The following CNTNAP5 variants were observed in gnomAD, a reference collection of about 807,000 sequenced individuals.
CNTNAP5 encodes contactin-associated protein-like 5.
In CNTNAP5, 72 loss-of-function variants were observed where a neutral mutation model predicts 150.2. The ratio of observed to expected loss-of-function variants is 0.48; its 90% CI spans 0.40 to 0.58. CNTNAP5 has a LOEUF of 0.58. Ranked by LOEUF, CNTNAP5 falls within the 20% of genes least tolerant of loss-of-function variation. The pLI is 0.00. For synonymous variants in CNTNAP5, 672 were observed against 619.8 expected (o/e 1.08, Z -1.25); for missense variants, 1,636 against 1,626.2 (o/e 1.01, Z -0.10).
chr2:124,211,779 C>A (rs1686019629), intron 1 of CNTNAP5, among the ~76,000 whole-genome samples: 1 of 152,144 alleles, frequency 6.6e-6, no homozygotes, highest in African/African-American at 2.4e-5. Flanking sequence ...TTCCAGTGAG[C>A]AGAATGAGAA....
At chr2:124,291,059 C>T (rs538333259) in intron 3 of CNTNAP5, among the ~76,000 whole-genome samples, 4 of 152,024 alleles carry the variant, frequency 2.6e-5, no homozygotes, top group South Asian at 4.2e-4. Flanking sequence ...GATATAAATG[C>T]CAATCATTTT....
intron 13 of CNTNAP5, among the ~76,000 whole-genome samples, chr2:124,677,071 C>T (rs1168457161): frequency 6.6e-6 from 1 of 152,052 alleles, no homozygotes; most frequent in Non-Finnish European, 1.5e-5. Context: ...AGCTGCAGAC[C>T]CTCGTGGTGA....
At chr2:124,674,509 C>CTGTT (rs1553430171) in intron 13 of CNTNAP5, among the ~76,000 whole-genome samples, 1 of 115,366 alleles carries the variant, frequency 8.7e-6, no homozygotes, top group Admixed American at 9.9e-5. Flanking sequence ...TTCTTTCTTT[C>CTGTT]TCTTTCTTTC....
chr2:124,460,349 G>A (rs921424900), intron 6 of CNTNAP5, among the ~76,000 whole-genome samples: 10 of 152,042 alleles, frequency 6.6e-5, no homozygotes, highest in African/African-American at 2.2e-4. Context: ...AGAAACTGAG[G>A]CAGTAGAAAG....
chr2:124,258,557 C>T (rs1162194184), intron 3 of CNTNAP5, among the ~76,000 whole-genome samples: 1 of 152,114 alleles, frequency 6.6e-6, no homozygotes, highest in African/African-American at 2.4e-5. Flanking sequence ...GACTGGGGAA[C>T]AATACTGCAT....
chr2:124,399,074 CTCTT>C (rs1281391282), intron 3 of CNTNAP5, among the ~76,000 whole-genome samples: 6 of 152,150 alleles, frequency 3.9e-5, no homozygotes, highest in African/African-American at 1.4e-4. Flanking sequence ...CCTCCTTTCT[CTCTT>C]TCTTCTTTAT....
intron 10 of CNTNAP5, among the ~76,000 whole-genome samples, chr2:124,560,021 A>C (rs1695851956): frequency 6.6e-6 from 1 of 152,104 alleles, no homozygotes; most frequent in Non-Finnish European, 1.5e-5. Context: ...CCATAGACAA[A>C]TGAGTTTCTA....
chr2:124,302,582 A>T (rs1388412798), intron 3 of CNTNAP5, among the ~76,000 whole-genome samples: 1 of 152,108 alleles, frequency 6.6e-6, no homozygotes. Context: ...GGAGTAACTA[A>T]CTCACTCCGC....
intron 1 of CNTNAP5, among the ~76,000 whole-genome samples, chr2:124,057,134 C>A (rs975659153): frequency 6.6e-6 from 1 of 152,074 alleles, no homozygotes; most frequent in African/African-American, 2.4e-5. Context: ...ATGGAATGCC[C>A]GTTTTGGGCT....
chr2:124,419,988 C>CTTTTTT (rs772589224), intron 4 of CNTNAP5, among the ~76,000 whole-genome samples: 2 of 78,870 alleles, frequency 2.5e-5, no homozygotes, highest in Non-Finnish European at 5.0e-5. Context: ...TTCTTTCTTT[C>CTTTTTT]TTTTTTTTTT....
chr2:124,685,755 T>C (rs1009731881), intron 13 of CNTNAP5, among the ~76,000 whole-genome samples: 1 of 123,610 alleles, frequency 8.1e-6, no homozygotes, highest in East Asian at 2.0e-4. Flanking sequence ...TGTGTGTGTG[T>C]GTGTGTGCGC....
intron 1 of CNTNAP5, among the ~76,000 whole-genome samples, chr2:124,084,652 A>T (rs1682636213): frequency 6.6e-6 from 1 of 152,084 alleles, no homozygotes; most frequent in African/African-American, 2.4e-5. Context: ...GTGTATATAT[A>T]CATATGTGCT....
chr2:124,115,223 A>C (rs1043389139), intron 1 of CNTNAP5, among the ~76,000 whole-genome samples: 26 of 152,210 alleles, frequency 1.7e-4, no homozygotes, highest in African/African-American at 6.0e-4. Context: ...ATCATCATAA[A>C]ATGAACACCC....
intron 18 of CNTNAP5, among the ~76,000 whole-genome samples, chr2:124,793,134 A>G (rs1197766879): frequency 6.6e-6 from 1 of 152,176 alleles, no homozygotes; most frequent in East Asian, 1.9e-4. Flanking sequence ...CGGCTGTTCC[A>G]TTTTACATTC....
chr2:124,914,657 G>T lies in CNTNAP5; in HGVS notation c.*369G>T. The T allele has an allele frequency of 6.0e-6, 1 of 167,168 alleles. No individual in the cohort carries two copies. The highest frequency in any genetic ancestry group is 1.3e-5 in the Non-Finnish European group (1 of 77,630). The allele number at this position is 167,168 out of a possible 1,614,324, so 10.4% of individuals were successfully genotyped here. On this transcript the variant is annotated 3_prime_UTR_variant, in exon 24 of 24. Coordinates refer to ENST00000682447, the MANE Select transcript of CNTNAP5 (RefSeq NM_001367498.1). The stretch of plus-strand genomic sequence containing the variant: ...GGTGGTTCAGGCTTGCTTTGAACCT[G>T]AGCTCTTAGGCACATGACGGTCATT...
At chr2:124,308,363 C>T (rs1247630077) in intron 3 of CNTNAP5, among the ~76,000 whole-genome samples, 1 of 152,176 alleles carries the variant, frequency 6.6e-6, no homozygotes, top group Non-Finnish European at 1.5e-5. Flanking sequence ...ATTACCTGCT[C>T]AGCTAGCAGA....
intron 11 of CNTNAP5, among the ~76,000 whole-genome samples, chr2:124,609,548 G>A (rs1677333438): frequency 6.6e-6 from 1 of 152,034 alleles, no homozygotes; most frequent in South Asian, 2.1e-4. Context: ...GCCGTGAGCC[G>A]TGATCGTGCT....
chr2:124,723,301 CT>C (rs527437012), intron 13 of CNTNAP5, among the ~76,000 whole-genome samples: 9 of 152,012 alleles, frequency 5.9e-5, no homozygotes, highest in Non-Finnish European at 1.0e-4. Flanking sequence ...AATTCAGCCT[CT>C]TTTTTTTACT....
At chr2:124,559,804 A>C (rs1034249620) in intron 10 of CNTNAP5, among the ~76,000 whole-genome samples, 1 of 152,176 alleles carries the variant, frequency 6.6e-6, no homozygotes, top group Non-Finnish European at 1.5e-5. Flanking sequence ...AATTGGTGTC[A>C]TGTGTCTTTT....
Sources: allele counts gnomAD v4.1 joint callset (sites outside exome capture counted in the v4.1 genomes callset), GRCh38; gene constraint gnomAD v4.1.1; transcripts MANE v1.5; gene names NCBI Gene and HGNC (gene_info 2026-07-23, HGNC 2026-07-21).